CEP170: variants seen among roughly 807,000 people sequenced by gnomAD.
CEP170 encodes centrosomal protein 170.
CEP170 carries 21 observed loss-of-function variants against 151.9 expected under a neutral mutation model. The observed-to-expected ratio is 0.14, with a 90% CI of 0.10 to 0.20. The LOEUF is 0.20. Ranked by LOEUF, CEP170 falls within the 10% of genes least tolerant of loss-of-function variation. The probability of loss-of-function intolerance (pLI) is 1.00; values close to 1 mark genes in which losing one functional copy is unlikely to be tolerated. For synonymous variants in CEP170, 356 were observed against 648.8 expected, an observed-to-expected ratio of 0.55 and a Z score of 6.86; for missense variants, 964 against 1,892.9, an observed-to-expected ratio of 0.51 and a Z score of 9.11.
At chr1:243,243,134 G>T (rs1315495662) in intron 1 of CEP170, among the ~76,000 whole-genome samples, 1 of 152,214 alleles carries the variant, frequency 6.6e-6, no homozygotes, top group Non-Finnish European at 1.5e-5. Flanking sequence ...CGAGACAGGA[G>T]GATCGCTTGA....
chr1:243,191,308 G>C lies in CEP170; in HGVS notation c.818C>G (p.Thr273Arg). 1 of 1,613,204 alleles carries C rather than the reference G, an allele frequency of 6.2e-7. No individual in the cohort carries two copies. Among genetic ancestry groups the C allele is most frequent in the Non-Finnish European group, 8.5e-7 (1 of 1,179,604 alleles). Residue 273 changes from threonine (T) to arginine (R), a missense_variant, in exon 8 of 20, where the codon ACA (threonine) becomes AGA (arginine). Thr to Arg is a moderately conservative substitution (Grantham distance 71, BLOSUM62 -1). Coordinates refer to ENST00000366542, the MANE Select transcript of CEP170 (RefSeq NM_014812.3). The stretch of plus-strand genomic sequence containing the variant: ...GGTAAATGAAGCATGCCCTGCACCT[G>C]TTATATGGGAACTTGGCGTGTCTTT... ...PTKDTPSSHI[T>R]GAGHASFTIE...
chr1:243,162,897 AT>A (rs759529805), intron 13 of CEP170, among the ~76,000 whole-genome samples: 28 of 152,370 alleles, frequency 1.8e-4, no homozygotes, highest in Non-Finnish European at 3.5e-4. Flanking sequence ...TAGTTTTAAA[AT>A]ATTTGGCAAT....
chr1:243,155,947 T>C (rs999196749), intron 14 of CEP170, among the ~76,000 whole-genome samples: 2 of 151,974 alleles, frequency 1.3e-5, no homozygotes, highest in Admixed American at 6.6e-5. Context: ...CACTTACTTA[T>C]CACCATCTTT....
At chr1:243,144,875 T>C (rs1396219545) in intron 14 of CEP170, among the ~76,000 whole-genome samples, 1 of 152,218 alleles carries the variant, frequency 6.6e-6, no homozygotes, top group Non-Finnish European at 1.5e-5. Context: ...TTCTCTAGCA[T>C]TAGTCCTAGT....
intron 13 of CEP170, among the ~76,000 whole-genome samples, chr1:243,160,472 A>G (rs2057976155): frequency 6.6e-6 from 1 of 152,224 alleles, no homozygotes; most frequent in African/African-American, 2.4e-5. Context: ...CTAAACTACT[A>G]TATTCACTAC....
In CEP170 at chr1:243,185,690, A is replaced by G. The variant is rs1305629477; in HGVS notation, c.1566+89T>C. The stretch of plus-strand genomic sequence containing the variant: ...AAATTCACATACCACTGACTGCATG[A>G]CAACATCTCATGCTGACTCTCCAAT... On this transcript the variant is annotated intron_variant, in intron 10 of 19. Coordinates refer to ENST00000366542, the MANE Select transcript of CEP170 (RefSeq NM_014812.3). The surrounding 1 kb of genome is among the most constrained non-coding windows in gnomAD (Gnocchi z 4.9). 1 of 1,461,156 alleles carries G rather than the reference A, an allele frequency of 6.8e-7. No individual in the cohort carries two copies. Among genetic ancestry groups the G allele is most frequent in the Non-Finnish European group, 9.2e-7 (1 of 1,085,792 alleles). The allele number at this position is 1,461,156 out of a possible 1,614,324, so 90.5% of individuals were successfully genotyped here.
intron 6 of CEP170, among the ~76,000 whole-genome samples, chr1:243,199,516 A>T (rs1381164297): frequency 6.6e-6 from 1 of 152,120 alleles, no homozygotes; most frequent in Admixed American, 6.6e-5. Context: ...ATTTTACTTG[A>T]ATTTAGACAG....
intron 14 of CEP170, among the ~76,000 whole-genome samples, chr1:243,152,141 T>C (rs1229596637): frequency 6.6e-6 from 1 of 152,156 alleles, no homozygotes; most frequent in Non-Finnish European, 1.5e-5. Flanking sequence ...AGAGCTCTGA[T>C]GGAGATGTAC....
rs565534328 is a variant in CEP170, at chr1:243,159,763, TTGTGTGTGTGTGTG to T, written c.3677-3322_3677-3309del. Among the ~76,000 whole-genome samples the T allele has an allele frequency of 3.0e-4, 38 of 127,158 alleles. No homozygotes were observed. The South Asian group carries it at 3.7e-3, about 12-fold the overall frequency. 83.4% of individuals were successfully genotyped at this position (127,158 alleles called of 152,430 possible). A position where few individuals can be genotyped will look rare whatever the true frequency, so the allele number is the denominator to read the frequency against. ...ACATTCTACATTTTTGTTTCCGGTTTTGTGTGTGTGTGTGTGTGTGTGTGTGTGTGTGTGTGTGT... is the reference window on the plus strand; with the variant it reads ...ACATTCTACATTTTTGTTTCCGGTTTTGTGTGTGTGTGTGTGTGTGTGTGT... On this transcript the variant is annotated intron_variant, in intron 13 of 19. Transcript: ENST00000366542.
At chr1:243,175,284 A>G (rs1197806600) in intron 10 of CEP170, 2 of 152,266 alleles carry the variant, frequency 1.3e-5, no homozygotes, top group Non-Finnish European at 2.9e-5. Flanking sequence ...GATTCCTTTT[A>G]AAGCATCAGA....
At chr1:243,155,364 G>T (rs1193039879) in intron 14 of CEP170, among the ~76,000 whole-genome samples, 7 of 149,956 alleles carry the variant, frequency 4.7e-5, no homozygotes, top group Admixed American at 2.7e-4. Context: ...AAAGTTTCTT[G>T]TTTTTTAAAA....
chr1:243,138,506 C>G lies in CEP170; in HGVS notation c.4230+1431G>C, dbSNP rs192800528. Among the ~76,000 whole-genome samples, 6 of 152,250 alleles carry G rather than the reference C, an allele frequency of 3.9e-5. No individual in the cohort carries two copies. In the East Asian group the frequency reaches 1.2e-3, roughly 29 times the overall value. On this transcript the variant is annotated intron_variant, in intron 16 of 19. Transcript: ENST00000366542. Reference sequence around the variant, plus strand: ...AATCCAGGGATCCACAGATATTAATCTATGATCAATCTCTTCTGGTCAACT... The same window carrying G: ...AATCCAGGGATCCACAGATATTAATGTATGATCAATCTCTTCTGGTCAACT...
chr1:243,181,327 A>G (rs2059605208), intron 10 of CEP170, among the ~76,000 whole-genome samples: 1 of 152,150 alleles, frequency 6.6e-6, no homozygotes, highest in Non-Finnish European at 1.5e-5. Context: ...GTGTATTTCC[A>G]TGTAAACTTA....
At chr1:243,155,295 C>T (rs2148453613) in intron 14 of CEP170, among the ~76,000 whole-genome samples, 1 of 152,182 alleles carries the variant, frequency 6.6e-6, no homozygotes, top group Non-Finnish European at 1.5e-5. Context: ...CCAGAAAAAA[C>T]ACAATTCACA....
upstream of CEP170, among the ~76,000 whole-genome samples, chr1:243,255,672 A>G (rs932008887): frequency 3.9e-5 from 6 of 152,244 alleles, no homozygotes; most frequent in South Asian, 2.1e-4. Flanking sequence ...AGAGTTTACT[A>G]TCTGCGTCCT....
chr1:243,147,978 C>G (rs1373553493), intron 14 of CEP170, among the ~76,000 whole-genome samples: 1 of 151,532 alleles, frequency 6.6e-6, no homozygotes, highest in African/African-American at 2.4e-5. Context: ...GTCAGGAGTT[C>G]AAGAATAGTC....
chr1:243,197,672 G>A (rs1443331016), intron 7 of CEP170, among the ~76,000 whole-genome samples: 2 of 152,100 alleles, frequency 1.3e-5, no homozygotes, highest in Non-Finnish European at 2.9e-5. Flanking sequence ...CAACCACTAT[G>A]AAGAGCAAGA....
chr1:243,159,038 GC>G (rs2057821021), intron 13 of CEP170, among the ~76,000 whole-genome samples: 2 of 152,060 alleles, frequency 1.3e-5, no homozygotes, highest in Non-Finnish European at 2.9e-5. Flanking sequence ...CTGCACTGTG[GC>G]CTGGTGACAG....
At position 243,156,394 on chromosome 1, in the gene CEP170, T is replaced by C. The variant is rs1223387952; in HGVS notation, c.3738A>G (p.Gly1246=). The change falls in exon 14 of 20, where the codon GGA becomes GGG. Residue 1246 remains glycine, a synonymous_variant. Coordinates refer to ENST00000366542, the MANE Select transcript of CEP170 (RefSeq NM_014812.3). ...TATGTTTAGGGGAATTACGGTTTGA[T>C]CCAAATTCATCTTCTGAGGTGGAAG... ...DYASTSEDEF[G]SNRNSPKHTR... The C allele has an allele frequency of 6.4e-7, 1 of 1,555,528 alleles. No individual in the cohort carries two copies. The highest frequency in any genetic ancestry group is 1.2e-5 in the South Asian group (1 of 84,306).
Sources: gnomAD v4.1 joint callset for allele counts (sites outside exome capture counted in the v4.1 genomes callset) on GRCh38, gnomAD v4.1.1 for gene constraint, Gnocchi (gnomAD v3.1) non-coding constraint, MANE v1.5 for transcripts, NCBI Gene and HGNC (gene_info 2026-07-23, HGNC 2026-07-21) for gene names.